Variants in SOBP observed in about 807,000 individuals in gnomAD.
SOBP encodes sine oculis-binding protein homolog.
A neutral mutation model predicts 53.6 loss-of-function variants in SOBP; 4 were observed. That is an observed-to-expected ratio of 0.07 (90% CI 0.04 to 0.17). The LOEUF (loss-of-function observed/expected upper bound fraction) is 0.17, where lower values mean the gene tolerates loss of function less well. Ranked by LOEUF, SOBP falls within the 10% of genes least tolerant of loss-of-function variation. The probability of loss-of-function intolerance (pLI) is 1.00; values close to 1 mark genes in which losing one functional copy is unlikely to be tolerated. For missense variants in SOBP, 1,088 were observed against 1,204.7 expected (o/e 0.90, Z 1.43); for synonymous variants, 584 against 522.6 (o/e 1.12, Z -1.60).
chr6:107,508,623 T>C (rs1034144555), intron 3 of SOBP, among the ~76,000 whole-genome samples: 2 of 152,162 alleles, frequency 1.3e-5, no homozygotes, highest in African/African-American at 4.8e-5. Flanking sequence ...GTCTTAGATA[T>C]GTCATTAAAA....
intron 3 of SOBP, among the ~76,000 whole-genome samples, chr6:107,512,129 A>G (rs2114958275): frequency 6.6e-6 from 1 of 152,334 alleles, no homozygotes; most frequent in East Asian, 1.9e-4. Flanking sequence ...CTTTTTGTGC[A>G]AACATGTCTT....
rs537189192 is a variant in SOBP at position 107,549,474 on chromosome 6, T to C, written c.573+15864T>C. Among the ~76,000 whole-genome samples the C allele has an allele frequency of 5.3e-5, 8 of 151,332 alleles. No individual in the cohort carries two copies. The East Asian group carries it at 1.5e-3, about 29-fold the overall frequency. On this transcript the variant is annotated intron_variant, in intron 4 of 6. Transcript: ENST00000317357. ...GAAAAAAAAAACCCTAGATGCCTTA[T>C]GGGGTTTCATTTAGGGTGTCATTTT...
intron 3 of SOBP, among the ~76,000 whole-genome samples, chr6:107,520,498 T>C (rs1027676730): frequency 6.6e-5 from 10 of 152,218 alleles, no homozygotes; most frequent in Admixed American, 3.3e-4. Context: ...CTAGATCACA[T>C]ACTTCTGTGA....
At chr6:107,640,365 T>TA (rs1342737268) in intron 6 of SOBP, among the ~76,000 whole-genome samples, 6 of 152,226 alleles carry the variant, frequency 3.9e-5, no homozygotes, top group African/African-American at 1.4e-4. Context: ...TTGTGCTATC[T>TA]AATGGTCCAG....
chr6:107,633,062 C>T (rs748178065), intron 5 of SOBP, among the ~76,000 whole-genome samples: 5 of 152,184 alleles, frequency 3.3e-5, no homozygotes, highest in Non-Finnish European at 5.9e-5. Flanking sequence ...ACATAGTCAA[C>T]AGTGTAAAGT....
rs1379583100 is a variant in SOBP at position 107,661,236 on chromosome 6, G to A, written c.*3033G>A. Among the ~76,000 whole-genome samples the A allele has an allele frequency of 6.6e-6, 1 of 152,070 alleles. No individual in the cohort carries two copies. Among genetic ancestry groups the A allele is most frequent in the Non-Finnish European group, 1.5e-5 (1 of 68,026 alleles). Reference sequence around the variant, plus strand: ...CCCTTTTCCTCCTCTTCCTTCTCACGATCTTACTGCTGTCTGAATGCACAA... The same window carrying A: ...CCCTTTTCCTCCTCTTCCTTCTCACAATCTTACTGCTGTCTGAATGCACAA... On this transcript the variant is annotated 3_prime_UTR_variant, in exon 7 of 7. Transcript: ENST00000317357.
In SOBP at chr6:107,533,560, A is replaced by G. The variant is rs775646754; in HGVS notation, c.523A>G (p.Ser175Gly). Residue 175 changes from serine to glycine, a missense_variant, in exon 4 of 7, where the codon AGC (serine) becomes GGC (glycine). Physicochemically the swap from Ser to Gly is moderately conservative, Grantham distance 56. Transcript: ENST00000317357. ...SMGSEVKSFCSEKCFAACRRA... is the reference protein window; with the variant it reads ...SMGSEVKSFCGEKCFAACRRA... ...GGGAAGTGAGGTGAAAAGCTTCTGCAGCGAGAAGTGCTTTGCGGCCTGCCG... is the reference window on the plus strand; with the variant it reads ...GGGAAGTGAGGTGAAAAGCTTCTGCGGCGAGAAGTGCTTTGCGGCCTGCCG... 1.2e-6 allele frequency: 2 copies of G among 1,614,216 alleles called. No homozygotes were observed. The highest frequency in any genetic ancestry group is 2.2e-5 in the East Asian group (1 of 44,888).
At position 107,498,480 on chromosome 6, in the gene SOBP, A is replaced by T. The variant is rs1782754277; in HGVS notation, c.97-5177A>T. Among the ~76,000 whole-genome samples, 3 of 152,158 alleles carry T rather than the reference A, an allele frequency of 2.0e-5. No individual in the cohort carries two copies. In the South Asian group the frequency reaches 6.2e-4, roughly 32 times the overall value. Reference sequence around the variant, plus strand: ...CTTGTGTTTCAGAGGTATTTTGCGAATTTGTAATTACTGCTATTTTCAGTG... The same window carrying T: ...CTTGTGTTTCAGAGGTATTTTGCGATTTTGTAATTACTGCTATTTTCAGTG... On this transcript the variant is annotated intron_variant, in intron 1 of 6. Coordinates refer to ENST00000317357, the MANE Select transcript of SOBP (RefSeq NM_018013.4).
At chr6:107,582,302 C>T (rs1423061316) in intron 4 of SOBP, among the ~76,000 whole-genome samples, 1 of 152,080 alleles carries the variant, frequency 6.6e-6, no homozygotes, top group African/African-American at 2.4e-5. Flanking sequence ...ATTTGAAGAA[C>T]TAAAGTTTGC....
chr6:107,656,297 A>AAAAC (rs10636097), intron 6 of SOBP, among the ~76,000 whole-genome samples: 4,003 of 22,236 alleles, frequency 0.18, 169 homozygotes, highest in South Asian at 0.45. Context: ...AAAAGAAAGA[A>AAAAC]AGAAAGAAAG....
chr6:107,591,310 G>A (rs1670638658), intron 5 of SOBP, among the ~76,000 whole-genome samples: 1 of 152,202 alleles, frequency 6.6e-6, no homozygotes, highest in Non-Finnish European at 1.5e-5. Flanking sequence ...TAAGTGCTCA[G>A]TATATATTAG....
Position 107,634,345 on chromosome 6 carries a change from A to C in SOBP, c.1501A>C (p.Met501Leu). The C allele has an allele frequency of 6.3e-7, 1 of 1,589,860 alleles. No individual in the cohort carries two copies. The highest frequency in any genetic ancestry group is 8.5e-7 in the Non-Finnish European group (1 of 1,175,150). The change falls in exon 6 of 7, where the codon ATG becomes CTG. Residue 501 changes from methionine to leucine, a missense_variant. By Grantham distance (15) the Met-to-Leu change is conservative. Coordinates refer to ENST00000317357, the MANE Select transcript of SOBP (RefSeq NM_018013.4). This position sits in a 1 kb window ranked among gnomAD's most constrained non-coding sequence, Gnocchi z 4.5. ...PPVSMMPNGP[M>L]PVPQMMNFGL... ...AGTGAGCATGATGCCAAATGGCCCG[A>C]TGCCGGTGCCCCAGATGATGAATTT...
intron 3 of SOBP, among the ~76,000 whole-genome samples, chr6:107,525,396 CAG>C (rs1266624162): frequency 6.6e-6 from 1 of 152,206 alleles, no homozygotes; most frequent in Admixed American, 6.5e-5. Flanking sequence ...GTATTCAAGA[CAG>C]AATTACAATT....
At chr6:107,558,238 T>A (rs1784670753) in intron 4 of SOBP, 1 of 152,100 alleles carries the variant, frequency 6.6e-6, no homozygotes, top group Non-Finnish European at 1.5e-5. Flanking sequence ...GAAATGAGTT[T>A]GTGTTTCTAC....
At chr6:107,565,317 C>T (rs560576705) in intron 4 of SOBP, among the ~76,000 whole-genome samples, 9 of 152,242 alleles carry the variant, frequency 5.9e-5, no homozygotes, top group African/African-American at 1.9e-4. Context: ...CTCCATCTGC[C>T]GTAGAATCTG....
At chr6:107,535,802 T>TTTAG (rs1281953867) in intron 4 of SOBP, among the ~76,000 whole-genome samples, 3 of 152,160 alleles carry the variant, frequency 2.0e-5, no homozygotes, top group Non-Finnish European at 2.9e-5. Flanking sequence ...GGTCATTTCA[T>TTTAG]TTAGGGCTTG....
chr6:107,638,862 G>T (rs1308792296), intron 6 of SOBP, among the ~76,000 whole-genome samples: 1 of 151,676 alleles, frequency 6.6e-6, no homozygotes, highest in East Asian at 1.9e-4. Flanking sequence ...CACTATGTCT[G>T]CCTTTTTCAT....
chr6:107,599,610 G>GGAAAA (rs767367392), intron 5 of SOBP, among the ~76,000 whole-genome samples: 2 of 138,584 alleles, frequency 1.4e-5, no homozygotes, highest in South Asian at 2.2e-4. Flanking sequence ...TGATTTTTGA[G>GGAAAA]AAAAAAAAAA....
At position 107,634,933 on chromosome 6, in the gene SOBP, C is replaced by A; in HGVS notation, c.2089C>A (p.His697Asn). The A allele has an allele frequency of 1.8e-6, 2 of 1,109,360 alleles. No homozygotes were observed. Among genetic ancestry groups the A allele is most frequent in the South Asian group, 4.2e-5 (1 of 23,718 alleles). The allele number at this position is 1,109,360 out of a possible 1,614,324, so 68.7% of individuals were successfully genotyped here. A position where few individuals can be genotyped will look rare whatever the true frequency, so the allele number is the denominator to read the frequency against. Reference sequence around the variant, plus strand: ...GACCTGCGGCGGCTGCAGGGACGGCCACTGCAGCCCGCCCGCCGCCGGCGA... The same window carrying A: ...GACCTGCGGCGGCTGCAGGGACGGCAACTGCAGCCCGCCCGCCGCCGGCGA... The part of the protein sequence containing the change: ...RRTCGGCRDG[H>N]CSPPAAGDPG... Residue 697 changes from histidine to asparagine, a missense_variant, in exon 6 of 7, where the codon CAC becomes AAC. This residue lies in a region of SOBP where 665 missense variants were observed against 629.7 expected (regional missense o/e 1.06). Transcript: ENST00000317357. The surrounding 1 kb of genome is among the most constrained non-coding windows in gnomAD (Gnocchi z 4.5).
Sources: gnomAD v4.1 joint callset for allele counts (sites outside exome capture counted in the v4.1 genomes callset) on GRCh38, gnomAD v4.1.1 for gene constraint, gnomAD v4.1.1 regional missense constraint, Gnocchi (gnomAD v3.1) non-coding constraint, MANE v1.5 for transcripts, NCBI Gene and HGNC (gene_info 2026-07-23, HGNC 2026-07-21) for gene names.